Variants in STXBP6 observed in about 807,000 individuals in gnomAD.
The protein encoded by STXBP6 is syntaxin-binding protein 6.
STXBP6 carries 21 observed loss-of-function variants against 26.9 expected under a neutral mutation model. The observed-to-expected ratio is 0.78, with a 90% CI of 0.55 to 1.12. The LOEUF is 1.12. Ranked by LOEUF, STXBP6 falls within the 50% of genes most tolerant of loss-of-function variation. STXBP6 has a pLI of 0.00. For synonymous variants in STXBP6, 97 were observed against 92.6 expected, an observed-to-expected ratio of 1.05 and a Z score of -0.27; for missense variants, 232 against 257.9, an observed-to-expected ratio of 0.90 and a Z score of 0.69.
At chr14:24,950,022 G>C (rs2073110297) in intron 2 of STXBP6, among the ~76,000 whole-genome samples, 1 of 152,162 alleles carries the variant, frequency 6.6e-6, no homozygotes, top group Admixed American at 6.5e-5. Flanking sequence ...GGTTCTGGAG[G>C]CTTCCTGATT....
chr14:24,953,977 G>C (rs1157159997), intron 2 of STXBP6, among the ~76,000 whole-genome samples: 1 of 152,204 alleles, frequency 6.6e-6, no homozygotes, highest in Non-Finnish European at 1.5e-5. Flanking sequence ...GAACTCCCAG[G>C]ATGGGCTGAG....
chr14:24,872,131 A>C (rs1369682337), intron 2 of STXBP6, among the ~76,000 whole-genome samples: 1 of 152,248 alleles, frequency 6.6e-6, no homozygotes, highest in Non-Finnish European at 1.5e-5. Flanking sequence ...ACGAAGACTT[A>C]CTTTTTCAAA....
chr14:24,820,803 G>A (rs1034825847), intron 4 of STXBP6, among the ~76,000 whole-genome samples: 3 of 152,174 alleles, frequency 2.0e-5, no homozygotes, highest in South Asian at 2.1e-4. Flanking sequence ...GCACAATACC[G>A]TATCACTAGG....
chr14:24,831,878 C>T (rs776112473), intron 4 of STXBP6, among the ~76,000 whole-genome samples: 1 of 152,136 alleles, frequency 6.6e-6, no homozygotes, highest in Non-Finnish European at 1.5e-5. Flanking sequence ...AGTTCCTCGA[C>T]AGAAAACTGT....
intron 2 of STXBP6, among the ~76,000 whole-genome samples, chr14:24,936,040 GT>G (rs1418792573): frequency 1.3e-5 from 2 of 152,158 alleles, no homozygotes; most frequent in East Asian, 3.9e-4. Flanking sequence ...ATAACTTTAG[GT>G]TGGCTAGAAC....
At chr14:24,814,333 C>A (rs1006375799) in intron 5 of STXBP6, among the ~76,000 whole-genome samples, 1 of 152,250 alleles carries the variant, frequency 6.6e-6, no homozygotes, top group East Asian at 1.9e-4. Flanking sequence ...TCTTGCTCTG[C>A]TTCTAGTTTT....
At chr14:24,876,561 G>T (rs1363367628) in intron 2 of STXBP6, among the ~76,000 whole-genome samples, 2 of 152,132 alleles carry the variant, frequency 1.3e-5, no homozygotes, top group Non-Finnish European at 2.9e-5. Flanking sequence ...AGCACAAGGG[G>T]TTTGACATAG....
chr14:25,022,726 C>T (rs2075282184), intron 1 of STXBP6, among the ~76,000 whole-genome samples: 1 of 152,184 alleles, frequency 6.6e-6, no homozygotes, highest in African/African-American at 2.4e-5. Flanking sequence ...CCTCCTTTCT[C>T]TACTTGTTTC....
At chr14:24,844,107 C>T (rs2068867938) in intron 4 of STXBP6, among the ~76,000 whole-genome samples, 1 of 152,102 alleles carries the variant, frequency 6.6e-6, no homozygotes, top group Non-Finnish European at 1.5e-5. Context: ...TAATGAAACC[C>T]CAGTAGAAGC....
At chr14:24,899,938 C>T (rs1345191709) in intron 2 of STXBP6, among the ~76,000 whole-genome samples, 1 of 152,016 alleles carries the variant, frequency 6.6e-6, no homozygotes, top group African/African-American at 2.4e-5. Context: ...GTGAGAAGGT[C>T]CTTGGATATC....
intron 2 of STXBP6, among the ~76,000 whole-genome samples, chr14:24,930,569 A>G (rs932179072): frequency 6.6e-6 from 1 of 152,186 alleles, no homozygotes; most frequent in African/African-American, 2.4e-5. Flanking sequence ...CAATGAACTG[A>G]TAACACTGAA....
At chr14:25,002,350 T>C (rs2074779740) in intron 1 of STXBP6, among the ~76,000 whole-genome samples, 1 of 147,638 alleles carries the variant, frequency 6.8e-6, no homozygotes, top group Non-Finnish European at 1.5e-5. Flanking sequence ...TACAGTTAAA[T>C]TCTTATGACT....
At chr14:24,923,848 T>A (rs1202962237) in intron 2 of STXBP6, among the ~76,000 whole-genome samples, 1 of 152,180 alleles carries the variant, frequency 6.6e-6, no homozygotes, top group Non-Finnish European at 1.5e-5. Flanking sequence ...GCAAATATCT[T>A]CTCCTTGCAC....
chr14:25,034,737 C>G (rs1045257619), intron 1 of STXBP6, among the ~76,000 whole-genome samples: 1 of 152,178 alleles, frequency 6.6e-6, no homozygotes, highest in Non-Finnish European at 1.5e-5. Context: ...AGCACAGTGT[C>G]CAGCACACTA....
intron 4 of STXBP6, among the ~76,000 whole-genome samples, chr14:24,845,303 C>T (rs150675570): frequency 0.013 from 2,047 of 152,146 alleles, 33 homozygotes; most frequent in African/African-American, 0.035. Context: ...TGAGCCACCG[C>T]GCCTGGCCAT....
intron 1 of STXBP6, chr14:24,987,900 T>A (rs1016067312): frequency 1.0e-6 from 1 of 985,206 alleles, no homozygotes; most frequent in Non-Finnish European, 1.2e-6. Flanking sequence ...TCAATATCAC[T>A]GCATTGTCCT....
intron 2 of STXBP6, among the ~76,000 whole-genome samples, chr14:24,905,856 C>T (rs1490465633): frequency 2.6e-5 from 4 of 152,192 alleles, no homozygotes; most frequent in African/African-American, 4.8e-5. Context: ...CACACCTGTG[C>T]ACCTGCATGC....
At chr14:25,015,069 G>A (rs990683133) in intron 1 of STXBP6, among the ~76,000 whole-genome samples, 17 of 151,950 alleles carry the variant, frequency 1.1e-4, no homozygotes, top group African/African-American at 3.4e-4. Context: ...TTAGATAAAC[G>A]AACAGTATTA....
chr14:24,955,655 A>AGT (rs1362304202), intron 2 of STXBP6, among the ~76,000 whole-genome samples: 1 of 152,036 alleles, frequency 6.6e-6, no homozygotes, highest in African/African-American at 2.4e-5. Context: ...GTGGTAAGGA[A>AGT]GTGAGGGTGC....
Sources: gnomAD v4.1 joint callset for allele counts (sites outside exome capture counted in the v4.1 genomes callset) on GRCh38, gnomAD v4.1.1 for gene constraint, MANE v1.5 for transcripts, NCBI Gene and HGNC (gene_info 2026-07-23, HGNC 2026-07-21) for gene names.